SUPT3H: variants seen among roughly 807,000 people sequenced by gnomAD.
The protein encoded by SUPT3H is transcription initiation protein SPT3 homolog.
SUPT3H carries 44 observed loss-of-function variants against 44.3 expected under a neutral mutation model. That is an observed-to-expected ratio of 0.99 (90% CI 0.78 to 1.28). The LOEUF (loss-of-function observed/expected upper bound fraction) is 1.28. Among genes scored for constraint, SUPT3H ranks in the 50% most tolerant of loss-of-function variants. SUPT3H has a pLI of 0.00. For missense variants in SUPT3H, 380 were observed against 387.1 expected, an observed-to-expected ratio of 0.98 and a Z score of 0.15; for synonymous variants, 124 against 125.6, an observed-to-expected ratio of 0.99 and a Z score of 0.09.
At chr6:45,023,013 C>T (rs1785393709) in intron 3 of SUPT3H, among the ~76,000 whole-genome samples, 1 of 152,050 alleles carries the variant, frequency 6.6e-6, no homozygotes, top group Non-Finnish European at 1.5e-5. Context: ...GTTTACTTCT[C>T]CTGCAAATTT....
intron 6 of SUPT3H, among the ~76,000 whole-genome samples, chr6:44,977,434 T>C (rs1536904): frequency 0.97 from 147,824 of 152,298 alleles, 71,768 homozygotes; most frequent in East Asian, 1. Flanking sequence ...AACTTACTGA[T>C]TCTCTGGATT....
intron 2 of SUPT3H, among the ~76,000 whole-genome samples, chr6:45,241,773 A>G (rs1006709747): frequency 4.6e-5 from 7 of 152,212 alleles, no homozygotes; most frequent in African/African-American, 1.7e-4. Flanking sequence ...GAGAGTTAAC[A>G]GAAATGGAAG....
Position 44,829,442 on chromosome 6 carries a change from C to A in SUPT3H, c.*374G>T, listed in dbSNP as rs1323175475. On this transcript the variant is annotated 3_prime_UTR_variant, in exon 11 of 11. Transcript: ENST00000371459. The stretch of plus-strand genomic sequence containing the variant: ...TTAATTTTGTTTCCTTGTTCCAAAC[C>A]TGGATTATAAAATATATCAAATAAA... 1 of 164,154 alleles carries A rather than the reference C, an allele frequency of 6.1e-6. No individual in the cohort carries two copies. Among genetic ancestry groups the A allele is most frequent in the Non-Finnish European group, 1.3e-5 (1 of 76,294 alleles). 10.2% of individuals were successfully genotyped at this position (164,154 alleles called of 1,614,324 possible). A position where few individuals can be genotyped will look rare whatever the true frequency, so the allele number is the denominator to read the frequency against.
intron 2 of SUPT3H, among the ~76,000 whole-genome samples, chr6:45,278,160 G>A (rs554936102): frequency 1.3e-5 from 2 of 152,150 alleles, no homozygotes; most frequent in South Asian, 4.2e-4. Context: ...GGAGGCTATG[G>A]GAGGGATAGC....
intron 2 of SUPT3H, among the ~76,000 whole-genome samples, chr6:45,276,563 A>T (rs1777061648): frequency 6.6e-6 from 1 of 152,100 alleles, no homozygotes; most frequent in East Asian, 1.9e-4. Context: ...GTCAGCGTAT[A>T]TTTCCCACTC....
chr6:44,885,600 G>C (rs866625652), intron 10 of SUPT3H, among the ~76,000 whole-genome samples: 4 of 152,120 alleles, frequency 2.6e-5, no homozygotes, highest in African/African-American at 9.7e-5. Context: ...GACATCCACA[G>C]CAAAAACCCA....
intron 1 of SUPT3H, among the ~76,000 whole-genome samples, chr6:45,369,358 A>G (rs1795664015): frequency 6.6e-6 from 1 of 152,154 alleles, no homozygotes; most frequent in Non-Finnish European, 1.5e-5. Context: ...ACCTTCCCAG[A>G]TATGTAAACA....
intron 2 of SUPT3H, among the ~76,000 whole-genome samples, chr6:45,124,763 C>CAAAAACAAT (rs1347662129): frequency 6.6e-6 from 1 of 151,688 alleles, no homozygotes; most frequent in African/African-American, 2.4e-5. Context: ...TGTGTCCTTC[C>CAAAAACAAT]AAAAACAATG....
chr6:44,960,521 A>G (rs1775876651), intron 7 of SUPT3H, among the ~76,000 whole-genome samples: 1 of 152,064 alleles, frequency 6.6e-6, no homozygotes, highest in African/African-American at 2.4e-5. Flanking sequence ...GAGAAGGCAT[A>G]TTAGGAGACT....
chr6:44,852,779 A>G (rs1443920069), intron 10 of SUPT3H, among the ~76,000 whole-genome samples: 2 of 152,154 alleles, frequency 1.3e-5, no homozygotes, highest in African/African-American at 4.8e-5. Context: ...TCTCCCACAA[A>G]ACAAGTAATT....
chr6:45,081,617 T>A (rs1340439897), intron 3 of SUPT3H, among the ~76,000 whole-genome samples: 3 of 152,288 alleles, frequency 2.0e-5, no homozygotes, highest in Non-Finnish European at 2.9e-5. Context: ...ATAGAGCTCC[T>A]CTGTGGCTAG....
chr6:45,271,732 A>T (rs1324323401), intron 2 of SUPT3H, among the ~76,000 whole-genome samples: 2 of 152,060 alleles, frequency 1.3e-5, no homozygotes, highest in East Asian at 1.9e-4. Flanking sequence ...CATCCTCTAG[A>T]CCCCAGTATG....
chr6:45,107,531 G>C (rs545808240), intron 2 of SUPT3H, among the ~76,000 whole-genome samples: 1 of 152,140 alleles, frequency 6.6e-6, no homozygotes. Flanking sequence ...TCTTCCCTAA[G>C]AATTGTTAAC....
intron 2 of SUPT3H, among the ~76,000 whole-genome samples, chr6:45,277,516 T>A (rs1318739114): frequency 6.6e-6 from 1 of 152,136 alleles, no homozygotes; most frequent in East Asian, 1.9e-4. Context: ...CACAAATGGA[T>A]CTGGAGGGCC....
In SUPT3H at chr6:45,119,019, T is replaced by C. The variant is rs192434491; in HGVS notation, c.102-13013A>G. ...CCCAGTTATCGTAGTTGAGTTATCATAGATCAGCTGGCAGTCAGCTGACCC... is the reference window on the plus strand; with the variant it reads ...CCCAGTTATCGTAGTTGAGTTATCACAGATCAGCTGGCAGTCAGCTGACCC... On this transcript the variant is annotated intron_variant, in intron 2 of 10. Transcript: ENST00000371459. Among the ~76,000 whole-genome samples the C allele has an allele frequency of 1.1e-3, 172 of 152,294 alleles. 1 individual carries two copies. Among genetic ancestry groups the C allele is most frequent in the Non-Finnish European group, 1.8e-3 (123 of 68,016 alleles).
chr6:45,096,448 T>C (rs1393656644), intron 3 of SUPT3H, among the ~76,000 whole-genome samples: 1 of 152,140 alleles, frequency 6.6e-6, no homozygotes, highest in Non-Finnish European at 1.5e-5. Flanking sequence ...GGAAAAACAG[T>C]CAACTCAGGC....
intron 2 of SUPT3H, among the ~76,000 whole-genome samples, chr6:45,181,515 A>G (rs1180557070): frequency 2.0e-5 from 3 of 151,788 alleles, no homozygotes; most frequent in African/African-American, 7.3e-5. Context: ...GCACATATAC[A>G]CCATGGAATA....
intron 10 of SUPT3H, among the ~76,000 whole-genome samples, chr6:44,850,280 T>C (rs533587276): frequency 6.6e-6 from 1 of 152,322 alleles, no homozygotes; most frequent in African/African-American, 2.4e-5. Context: ...CAGAAAATTG[T>C]TTGAATCACA....
intron 3 of SUPT3H, among the ~76,000 whole-genome samples, chr6:45,068,691 C>G (rs144464278): frequency 2.6e-5 from 4 of 152,060 alleles, no homozygotes; most frequent in Non-Finnish European, 4.4e-5. Flanking sequence ...TGTCAAACAT[C>G]AACTTTGTTA....
Sources: allele counts gnomAD v4.1 joint callset (sites outside exome capture counted in the v4.1 genomes callset), GRCh38; gene constraint gnomAD v4.1.1; transcripts MANE v1.5; gene names NCBI Gene and HGNC (gene_info 2026-07-23, HGNC 2026-07-21).